GATA4: variants seen among roughly 807,000 people sequenced by gnomAD.
The protein encoded by GATA4 is GATA binding protein 4.
A neutral mutation model predicts 37.9 loss-of-function variants in GATA4; 7 were observed. The observed-to-expected ratio is 0.18, with a 90% CI of 0.11 to 0.35. GATA4 has a LOEUF of 0.35. Ranked by LOEUF, GATA4 falls within the 10% of genes least tolerant of loss-of-function variation. GATA4 has a pLI of 1.00. For missense variants in GATA4, 647 were observed against 653.0 expected (o/e 0.99, Z 0.10); for synonymous variants, 372 against 292.6 (o/e 1.27, Z -2.77).
At chr8:11,710,990 A>G (rs552627656) in intron 2 of GATA4, among the ~76,000 whole-genome samples, 1 of 152,152 alleles carries the variant, frequency 6.6e-6, no homozygotes, top group Non-Finnish European at 1.5e-5. Flanking sequence ...GTGTGCTTAT[A>G]GTCCCAGTTA....
chr8:11,716,580 C>T (rs1247049910), intron 2 of GATA4, among the ~76,000 whole-genome samples: 1 of 152,172 alleles, frequency 6.6e-6, no homozygotes, highest in Non-Finnish European at 1.5e-5. Context: ...GGTCTCAGTG[C>T]TGGTAGTGGA....
upstream of GATA4, among the ~76,000 whole-genome samples, chr8:11,689,209 C>A (rs919385532): frequency 2.6e-5 from 4 of 152,042 alleles, no homozygotes; most frequent in Non-Finnish European, 5.9e-5. Flanking sequence ...ATTTCTGGGC[C>A]CTGCATCTGT....
At chr8:11,745,932 G>C (rs1802008993) in intron 2 of GATA4, among the ~76,000 whole-genome samples, 1 of 152,196 alleles carries the variant, frequency 6.6e-6, no homozygotes, top group Non-Finnish European at 1.5e-5. Flanking sequence ...TGATAGTTAA[G>C]AGTTCGTTTT....
chr8:11,730,338 T>G (rs1341629495), intron 2 of GATA4, among the ~76,000 whole-genome samples: 2 of 152,210 alleles, frequency 1.3e-5, no homozygotes, highest in Admixed American at 1.3e-4. Flanking sequence ...CTTGTGAAGA[T>G]GAGTGAACTG....
intron 4 of GATA4, among the ~76,000 whole-genome samples, chr8:11,754,062 C>G (rs1802435048): frequency 6.6e-6 from 1 of 152,232 alleles, no homozygotes; most frequent in African/African-American, 2.4e-5. Context: ...AGCATAGTCT[C>G]TTACTGCTCC....
Position 11,755,147 on chromosome 8 carries a change from C to G in GATA4, c.1000+14C>G. 1 of 1,597,828 alleles carries G rather than the reference C, an allele frequency of 6.3e-7. No individual in the cohort carries two copies. The highest frequency in any genetic ancestry group is 8.6e-7 in the Non-Finnish European group (1 of 1,165,610). ...AGACACCAGCAGGTGAGGAAAAGAT[C>G]TGTGAGTGATTATATGAGTACATCA... On this transcript the variant is annotated intron_variant, in intron 5 of 6. Coordinates refer to ENST00000532059, the MANE Select transcript of GATA4 (RefSeq NM_001308093.3).
chr8:11,741,501 G>T (rs1801737745), intron 2 of GATA4, among the ~76,000 whole-genome samples: 2 of 151,864 alleles, frequency 1.3e-5, no homozygotes, highest in South Asian at 4.2e-4. Flanking sequence ...AACAAAAAAA[G>T]TCCCTGTGAG....
rs180886247 is a variant in GATA4 at position 11,686,408 on chromosome 8, T to G, written c.-274+9345T>G. Among the ~76,000 whole-genome samples, 403 of 152,176 alleles carry G rather than the reference T, an allele frequency of 2.6e-3. 3 individuals carry two copies. The highest frequency in any genetic ancestry group is 9.3e-3 in the African/African-American group (388 of 41,534). On this transcript the variant is annotated intron_variant, in intron 1 of 6. Transcript: ENST00000528712. ...ATTTTCTTTCTCTAAGTCCTACATTTAAAAAAAATTTTTGAGGTTGGCCTT... is the reference window on the plus strand; with the variant it reads ...ATTTTCTTTCTCTAAGTCCTACATTGAAAAAAAATTTTTGAGGTTGGCCTT...
At chr8:11,683,160 G>T in intron 1 of GATA4, 1 of 967,172 alleles carries the variant, frequency 1.0e-6, no homozygotes, top group African/African-American at 1.8e-5. Context: ...TAATGGAGGG[G>T]CTCGCTATCT....
chr8:11,737,464 A>G (rs991942853), intron 2 of GATA4, among the ~76,000 whole-genome samples: 1 of 152,190 alleles, frequency 6.6e-6, no homozygotes, highest in African/African-American at 2.4e-5. Flanking sequence ...GCCAGCTCCT[A>G]ACTGGGGTTG....
At chr8:11,684,372 G>A (rs945347263) in intron 1 of GATA4, among the ~76,000 whole-genome samples, 4 of 152,160 alleles carry the variant, frequency 2.6e-5, no homozygotes, top group African/African-American at 9.7e-5. Flanking sequence ...TAAAAATAAG[G>A]TGCAGGAATG....
At chr8:11,741,876 G>A (rs1353925751) in intron 2 of GATA4, among the ~76,000 whole-genome samples, 3 of 152,230 alleles carry the variant, frequency 2.0e-5, no homozygotes, top group Non-Finnish European at 4.4e-5. Flanking sequence ...TTTTCCATCT[G>A]CTGCCAGCTT....
intron 2 of GATA4, among the ~76,000 whole-genome samples, chr8:11,722,225 A>G (rs59792049): frequency 0.025 from 3,785 of 152,260 alleles, 139 homozygotes; most frequent in African/African-American, 0.087. Context: ...AGCTTTGACA[A>G]ATATCATTTC....
intron 1 of GATA4, chr8:11,698,027 C>G (rs1799557725): frequency 2.0e-6 from 2 of 984,734 alleles, no homozygotes; most frequent in South Asian, 4.7e-5. Context: ...GCCCTGGACT[C>G]TGGGTTGACC....
chr8:11,740,508 A>G (rs1801678101), intron 2 of GATA4, among the ~76,000 whole-genome samples: 5 of 152,248 alleles, frequency 3.3e-5, no homozygotes, highest in Admixed American at 3.3e-4. Flanking sequence ...CAAACACAGC[A>G]GCTGGGAGGC....
Position 11,749,112 on chromosome 8 carries a change from TG to T in GATA4, c.786+30del. The T allele has an allele frequency of 2.5e-6, 4 of 1,612,000 alleles. No homozygotes were observed. The highest frequency in any genetic ancestry group is 1.7e-4 in the Middle Eastern group (1 of 6,054). On this transcript the variant is annotated intron_variant, in intron 3 of 6. Coordinates refer to ENST00000532059, the MANE Select transcript of GATA4 (RefSeq NM_001308093.3). The surrounding 1 kb of genome is among the most constrained non-coding windows in gnomAD (Gnocchi z 4.6). ...TAAGCACGTGCCTCGCAGCCTCCTC[TG>T]GGCACCTGGCTGCGGAGCTCTCGCC...
At position 11,750,121 on chromosome 8, in the gene GATA4, G is replaced by A. The variant is rs745533633; in HGVS notation, c.797G>A (p.Arg266His). ...IKPQRRLSAS[R>H]RVGLSCANCQ... ...TTTCCTGTCTTGCAGTCCGCCTCCC[G>A]CCGAGTGGGCCTCTCCTGTGCCAAC... The change falls in exon 4 of 7, where the codon CGC (arginine) becomes CAC (histidine). Residue 266 changes from arginine to histidine, a missense_variant. Arg to His is a conservative substitution (Grantham distance 29). Coordinates refer to ENST00000532059, the MANE Select transcript of GATA4 (RefSeq NM_001308093.3). The A allele has an allele frequency of 9.3e-6, 15 of 1,614,060 alleles. No homozygotes were observed. The highest frequency in any genetic ancestry group is 1.2e-5 in the Non-Finnish European group (14 of 1,180,036).
chr8:11,748,941 A>G lies in GATA4; in HGVS notation c.642A>G (p.Glu214=). 6.2e-7 allele frequency: 1 copy of G among 1,614,236 alleles called. No homozygotes were observed. Among genetic ancestry groups the G allele is most frequent in the Non-Finnish European group, 8.5e-7 (1 of 1,180,042 alleles). Residue 214 remains glutamate, a synonymous_variant, in exon 3 of 7, where the codon GAA becomes GAG. Coordinates refer to ENST00000532059, the MANE Select transcript of GATA4 (RefSeq NM_001308093.3). ...NLVDMFDDFS[E]GRECVNCGAM... is the part of the protein sequence containing the mutation. ...TAGATATGTTTGACGACTTCTCAGAAGGCAGAGAGTGTGTCAACTGTGGGG... is the reference window on the plus strand; with the variant it reads ...TAGATATGTTTGACGACTTCTCAGAGGGCAGAGAGTGTGTCAACTGTGGGG...
intron 2 of GATA4, among the ~76,000 whole-genome samples, chr8:11,716,182 A>G (rs1800425016): frequency 6.6e-6 from 1 of 152,216 alleles, no homozygotes; most frequent in Admixed American, 6.5e-5. Context: ...GAACATGGGT[A>G]TGCAAATGAA....
Sources: allele counts gnomAD v4.1 joint callset (sites outside exome capture counted in the v4.1 genomes callset), GRCh38; gene constraint gnomAD v4.1.1; non-coding constraint Gnocchi (gnomAD v3.1); transcripts MANE v1.5; gene names NCBI Gene and HGNC (gene_info 2026-07-23, HGNC 2026-07-21).